VRK3: variants seen among roughly 807,000 people sequenced by gnomAD.
VRK3 encodes the protein VRK serine/threonine kinase 3, also known as serine/threonine-protein kinase VRK3.
Under a neutral mutation model 60.4 loss-of-function variants are expected in VRK3, and 50 were observed. The ratio of observed to expected loss-of-function variants is 0.83; its 90% CI spans 0.66 to 1.05. The LOEUF (loss-of-function observed/expected upper bound fraction) is 1.05, where lower values mean the gene tolerates loss of function less well. Ranked by LOEUF, VRK3 falls within the 50% of genes least tolerant of loss-of-function variation. The probability of loss-of-function intolerance (pLI) is 0.00; values close to 1 mark genes in which losing one functional copy is unlikely to be tolerated. For missense variants in VRK3, 549 were observed against 585.3 expected, an observed-to-expected ratio of 0.94 and a Z score of 0.64; for synonymous variants, 246 against 227.8, an observed-to-expected ratio of 1.08 and a Z score of -0.72.
At chr19:50,021,876 C>T (rs532919684) in intron 1 of VRK3, among the ~76,000 whole-genome samples, 2 of 152,348 alleles carry the variant, frequency 1.3e-5, no homozygotes, top group South Asian at 4.1e-4. Context: ...ACAGAACCTT[C>T]CCAATCACCC....
intron 3 of VRK3, among the ~76,000 whole-genome samples, chr19:50,011,578 T>C (rs2076995279): frequency 6.6e-6 from 1 of 152,166 alleles, no homozygotes; most frequent in Non-Finnish European, 1.5e-5. Context: ...GCTCTCCACG[T>C]CACCACAGTT....
chr19:50,009,457 C>T, intron 3 of VRK3, 72 bp from the exon 4 acceptor site: 1 of 1,574,592 alleles, frequency 6.4e-7, no homozygotes, highest in Non-Finnish European at 8.6e-7. Flanking sequence ...GACTGGGAGC[C>T]CTGAGGTTAT....
chr19:50,006,353 TTTTG>T (rs1311690986), intron 5 of VRK3, among the ~76,000 whole-genome samples: 1 of 150,708 alleles, frequency 6.6e-6, no homozygotes, highest in Non-Finnish European at 1.5e-5. Context: ...AAGAATAACT[TTTTG>T]TTTGACATGG....
intron 7 of VRK3, 120 bp from the exon 8 acceptor site, chr19:49,995,395 G>C (rs1304185092): frequency 4.8e-6 from 4 of 837,176 alleles, no homozygotes; most frequent in Non-Finnish European, 7.7e-6. Context: ...CCTTGTTGGA[G>C]GTGACAACAT....
Position 50,009,219 on chromosome 19 carries a change from T to C in VRK3, c.289+17A>G, listed in dbSNP as rs1214570447. ...TGCTCCACTTAAGAGTCAGGCCAGA[T>C]AGACCTTAACTCTTACCTTTGGATC... On this transcript the variant is annotated intron_variant, in intron 4 of 14. Transcript: ENST00000316763. 18 of 1,611,664 alleles carry C rather than the reference T, an allele frequency of 1.1e-5. No individual in the cohort carries two copies. The highest frequency in any genetic ancestry group is 1.6e-4 in the Middle Eastern group (1 of 6,074).
At chr19:49,999,434 G>T (rs2076762406) in intron 6 of VRK3, 1 of 152,340 alleles carries the variant, frequency 6.6e-6, no homozygotes, top group South Asian at 2.1e-4. Flanking sequence ...CAGGAATTGG[G>T]TCTGACCCAT....
At chr19:49,992,020 G>T (rs372719779) in intron 10 of VRK3, among the ~76,000 whole-genome samples, 1 of 152,200 alleles carries the variant, frequency 6.6e-6, no homozygotes, top group Admixed American at 6.5e-5. Flanking sequence ...TACAATCAGT[G>T]TTGCCAGGAA....
chr19:49,997,066 T>C (rs149403807), intron 7 of VRK3: 7,982 of 152,814 alleles, frequency 0.052, 689 homozygotes, highest in African/African-American at 0.18. Flanking sequence ...CTCACTGCAA[T>C]CTCTGTCTCC....
chr19:49,992,194 G>A (rs1048638454), intron 10 of VRK3, among the ~76,000 whole-genome samples: 2 of 152,154 alleles, frequency 1.3e-5, no homozygotes, highest in African/African-American at 4.8e-5. Flanking sequence ...GATCACCTGA[G>A]GTCAGGAGTT....
At position 50,005,977 on chromosome 19, in the gene VRK3, C is replaced by T. The variant is rs894582472; in HGVS notation, c.547+1592G>A. 4.0e-5 allele frequency among the ~76,000 whole-genome samples: 6 copies of T among 149,018 alleles called. 2 individuals carry two copies. Among genetic ancestry groups the T allele is most frequent in the African/African-American group, 1.0e-4 (4 of 38,434 alleles). On this transcript the variant is annotated intron_variant, in intron 5 of 14. Transcript: ENST00000316763. Reference sequence around the variant, plus strand: ...CATAACACTCTGAATATCCTGAAGGCCACTCAGTTGCACCCTTTAAAAGAA... The same window carrying T: ...CATAACACTCTGAATATCCTGAAGGTCACTCAGTTGCACCCTTTAAAAGAA...
At chr19:50,018,837 A>C (rs1025868420) in intron 2 of VRK3, among the ~76,000 whole-genome samples, 1 of 152,066 alleles carries the variant, frequency 6.6e-6, no homozygotes. Context: ...TACCCAATAA[A>C]TATATACACC....
chr19:50,002,742 A>G (rs1453676319), intron 5 of VRK3, among the ~76,000 whole-genome samples: 2 of 152,192 alleles, frequency 1.3e-5, no homozygotes, highest in East Asian at 3.8e-4. Context: ...CAAGGGCCCC[A>G]GCAGAGACAG....
rs562756736 is a variant in VRK3, at chr19:49,993,382, ACT to A, written c.871-432_871-431del. On this transcript the variant is annotated intron_variant, in intron 9 of 14. Coordinates refer to ENST00000316763, the MANE Select transcript of VRK3 (RefSeq NM_016440.4). Reference sequence around the variant, plus strand: ...CTCCAGCTGTCCCTATGAGCTCCAGACTCTTTTTTTGCTGTGTGTATATATAT... The same window carrying A: ...CTCCAGCTGTCCCTATGAGCTCCAGACTTTTTTTGCTGTGTGTATATATAT... Among the ~76,000 whole-genome samples, 37 of 151,748 alleles carry A rather than the reference ACT, an allele frequency of 2.4e-4. No homozygotes were observed. In the South Asian group the frequency reaches 6.7e-3, roughly 27 times the overall value.
rs1194609965 is a variant in VRK3 at position 49,994,976 on chromosome 19, GGCC to G, written c.765-60_765-58del. ...GATGAACAGGGGAGAGAGGAGTACC[GGCC>G]GCCAAGGATGGACTGTTGCGTGGGC... On this transcript the variant is annotated intron_variant, in intron 8 of 14. Coordinates refer to ENST00000316763, the MANE Select transcript of VRK3 (RefSeq NM_016440.4). The G allele has an allele frequency of 8.5e-6, 13 of 1,525,374 alleles. No homozygotes were observed. The African/African-American group carries it at 1.1e-4, about 13-fold the overall frequency. 94.5% of individuals were successfully genotyped at this position (1,525,374 alleles called of 1,614,324 possible). A position where few individuals can be genotyped will look rare whatever the true frequency, so the allele number is the denominator to read the frequency against.
chr19:50,014,555 C>T (rs937034758), intron 3 of VRK3, among the ~76,000 whole-genome samples: 5 of 148,960 alleles, frequency 3.4e-5, no homozygotes, highest in East Asian at 1.9e-4. Flanking sequence ...CCAGCCTGGG[C>T]GAAAGAGCAA....
intron 2 of VRK3, among the ~76,000 whole-genome samples, chr19:50,016,775 A>T (rs931015630): frequency 6.6e-6 from 1 of 152,260 alleles, no homozygotes; most frequent in Non-Finnish European, 1.5e-5. Flanking sequence ...ACTATGACAA[A>T]TGAGGATATA....
intron 4 of VRK3, 148 bp from the exon 5 acceptor site, chr19:50,007,974 T>G: frequency 8.1e-7 from 1 of 1,232,764 alleles, no homozygotes; most frequent in Non-Finnish European, 1.1e-6. Flanking sequence ...CAGGCCTTTG[T>G]GTGATGATGT....
Position 49,979,225 on chromosome 19 carries a change from G to A in VRK3, c.1294C>T (p.Leu432=). The change falls in exon 14 of 15, where the codon CTG becomes TTG. Residue 432 remains leucine, a synonymous_variant. Transcript: ENST00000316763. ...IRPSETLQKY[L]KVVMALTYEE... is the part of the protein sequence containing the mutation. ...TACGTGAGGGCCATCACCACCTTCA[G>A]GTACTTCTGCAGGGTCTCTGTGGTC... 6.2e-7 allele frequency: 1 copy of A among 1,614,080 alleles called. No homozygotes were observed. Among genetic ancestry groups the A allele is most frequent in the Non-Finnish European group, 8.5e-7 (1 of 1,180,002 alleles).
intron 7 of VRK3, among the ~76,000 whole-genome samples, 169 bp from the exon 8 acceptor site, chr19:49,995,444 C>T (rs2076685950): frequency 6.6e-6 from 1 of 152,194 alleles, no homozygotes; most frequent in African/African-American, 2.4e-5. Context: ...GGTGACAGGG[C>T]AGGCATGGGT....
Sources: allele counts gnomAD v4.1 joint callset (sites outside exome capture counted in the v4.1 genomes callset), GRCh38; gene constraint gnomAD v4.1.1; transcripts MANE v1.5; gene names NCBI Gene and HGNC (gene_info 2026-07-23, HGNC 2026-07-21).